DPEP1: variants seen among roughly 807,000 people sequenced by gnomAD.
The protein encoded by DPEP1 is beta-lactamase.
A neutral mutation model predicts 42.3 loss-of-function variants in DPEP1; 50 were observed. The observed-to-expected ratio is 1.18, with a 90% CI of 0.94 to 1.50. DPEP1 has a LOEUF of 1.50. Among genes scored for constraint, DPEP1 ranks in the 40% most tolerant of loss-of-function variants. The pLI, the probability that DPEP1 is intolerant of heterozygous loss-of-function variation, is 0.00. For synonymous variants in DPEP1, 297 were observed against 234.0 expected, an observed-to-expected ratio of 1.27 and a Z score of -2.46; for missense variants, 663 against 553.0, an observed-to-expected ratio of 1.20 and a Z score of -1.99.
chr16:89,632,356 G>A (rs963846782), intron 2 of DPEP1, among the ~76,000 whole-genome samples: 3 of 152,174 alleles, frequency 2.0e-5, no homozygotes, highest in African/African-American at 7.2e-5. Flanking sequence ...CCCGGCCGGG[G>A]GTCACAGTTG....
chr16:89,621,358 C>T (rs901474798), intron 1 of DPEP1, among the ~76,000 whole-genome samples: 6 of 149,346 alleles, frequency 4.0e-5, no homozygotes, highest in African/African-American at 9.9e-5. Flanking sequence ...GTGGGCTGGA[C>T]GCTGGGAGGG....
In DPEP1 at chr16:89,637,255, G is replaced by A. The variant is rs766090942; in HGVS notation, c.643G>A (p.Val215Met). 2.2e-5 allele frequency: 36 copies of A among 1,612,628 alleles called. No homozygotes were observed. Among genetic ancestry groups the A allele is most frequent in the East Asian group, 4.5e-5 (2 of 44,886 alleles). ...GGGGGTCCTCATCGACTTGGCTCAC[G>A]TGTCTGTGGCCACCATGAAGGCCAC... ...RLGVLIDLAH[V>M]SVATMKATLQ... The change falls in exon 7 of 11, where the codon GTG becomes ATG. Residue 215 changes from valine (V) to methionine (M), a missense_variant. Physicochemically the swap from Val to Met is conservative, Grantham distance 21. Coordinates refer to ENST00000690203, the MANE Select transcript of DPEP1 (RefSeq NM_001389466.1).
At chr16:89,622,392 A>G (rs1010932708) in intron 1 of DPEP1, among the ~76,000 whole-genome samples, 1 of 151,856 alleles carries the variant, frequency 6.6e-6, no homozygotes, top group African/African-American at 2.4e-5. Context: ...TCCCACCGCA[A>G]CTCTGCCGGC....
intron 1 of DPEP1, among the ~76,000 whole-genome samples, chr16:89,626,220 C>G (rs1366671437): frequency 1.3e-5 from 2 of 152,202 alleles, no homozygotes; most frequent in Non-Finnish European, 2.9e-5. Flanking sequence ...CAAATCTCAT[C>G]TCAGATTATA....
chr16:89,614,603 G>A, intron 1 of DPEP1, among the ~76,000 whole-genome samples: 1 of 152,102 alleles, frequency 6.6e-6, no homozygotes, highest in East Asian at 1.9e-4. Context: ...GACCATCCTG[G>A]CTAACACGGT....
chr16:89,632,029 G>C (rs1597762419), intron 2 of DPEP1, among the ~76,000 whole-genome samples: 1 of 152,108 alleles, frequency 6.6e-6, no homozygotes, highest in Non-Finnish European at 1.5e-5. Flanking sequence ...GCAGGTGACT[G>C]TCAGGGTCAG....
At chr16:89,637,592 G>A in intron 8 of DPEP1, 40 bp downstream of exon 8, 1 of 1,612,816 alleles carries the variant, frequency 6.2e-7, no homozygotes. Context: ...CGAAGGGGGA[G>A]GGCCTCACTC....
intron 1 of DPEP1, among the ~76,000 whole-genome samples, chr16:89,615,232 G>A (rs28592184): frequency 0.053 from 8,119 of 152,294 alleles, 850 homozygotes; most frequent in East Asian, 0.48. Flanking sequence ...TCAGGGGGAC[G>A]TAGGCTGCGG....
chr16:89,621,585 C>T (rs2059446955), intron 1 of DPEP1, among the ~76,000 whole-genome samples: 2 of 152,176 alleles, frequency 1.3e-5, no homozygotes, highest in Admixed American at 1.3e-4. Flanking sequence ...CTTCTCAAGG[C>T]TTATTTGGGG....
chr16:89,621,465 G>A (rs891048170), intron 1 of DPEP1, among the ~76,000 whole-genome samples: 1 of 152,194 alleles, frequency 6.6e-6, no homozygotes, highest in African/African-American at 2.4e-5. Context: ...GCCTGGTCAG[G>A]AGCCAGAAGA....
chr16:89,637,470 A>T lies in DPEP1; in HGVS notation c.771A>T (p.Lys257Asn). ...ACCCTGTCTTCCTTCTTGTGCAGAA[A>T]CAGACAGACAGCCTGGTGATGGTGA... Reference protein sequence around the residue: ...NVPDDVLRLVKQTDSLVMVNF... With the variant: ...NVPDDVLRLVNQTDSLVMVNF... Residue 257 changes from lysine to asparagine, a missense_variant and splice_region_variant, in exon 8 of 11, where the codon AAA becomes AAT. Lys to Asn is a moderately conservative substitution (Grantham distance 94). Transcript: ENST00000690203. The T allele has an allele frequency of 1.9e-6, 3 of 1,612,596 alleles. No homozygotes were observed. In the East Asian group the frequency reaches 6.7e-5, roughly 36 times the overall value.
chr16:89,640,640 C>T (rs768330373), downstream of DPEP1: 16 of 985,228 alleles, frequency 1.6e-5, no homozygotes, highest in Non-Finnish European at 1.9e-5. Context: ...ATCATCCTGT[C>T]TGTTCCCCTC....
intron 2 of DPEP1, among the ~76,000 whole-genome samples, chr16:89,633,574 T>C (rs954969616): frequency 2.7e-4 from 41 of 151,598 alleles, no homozygotes; most frequent in African/African-American, 9.9e-4. Context: ...CTGGAAATGA[T>C]TAACAGTTAC....
At chr16:89,625,454 G>A (rs895895314) in intron 1 of DPEP1, among the ~76,000 whole-genome samples, 32 of 152,076 alleles carry the variant, frequency 2.1e-4, no homozygotes, top group African/African-American at 6.8e-4. Flanking sequence ...CTCCCAACTG[G>A]GATCCAGTTT....
At chr16:89,626,402 G>A (rs966592887) in intron 1 of DPEP1, 2 of 152,234 alleles carry the variant, frequency 1.3e-5, no homozygotes, top group Non-Finnish European at 2.9e-5. Flanking sequence ...GCTGGCTGGA[G>A]TGCAGTGGCA....
chr16:89,623,004 G>A, intron 1 of DPEP1, among the ~76,000 whole-genome samples: 1 of 152,124 alleles, frequency 6.6e-6, no homozygotes, highest in East Asian at 1.9e-4. Context: ...GAGTGAGGAA[G>A]ACGCTGAGGT....
rs2059702852 is a variant in DPEP1 at position 89,637,757 on chromosome 16, C to CT, written c.929+51dup. 4 of 1,612,584 alleles carry CT rather than the reference C, an allele frequency of 2.5e-6. No individual in the cohort carries two copies. The African/African-American group carries it at 5.4e-5, about 22-fold the overall frequency. On this transcript the variant is annotated intron_variant, in intron 9 of 10. Transcript: ENST00000690203. ...GTGGATGAGCCGGGAGGTTCATGGCCTCGTCAGAGGGATGAGGTGGCTGGA... is the reference window on the plus strand; with the variant it reads ...GTGGATGAGCCGGGAGGTTCATGGCCTTCGTCAGAGGGATGAGGTGGCTGGA...
rs1341032596 is a variant in DPEP1, at chr16:89,637,902, C to T, written c.996C>T (p.Asn332=). Residue 332 remains asparagine, a synonymous_variant, in exon 10 of 11, where the codon AAC becomes AAT. Transcript: ENST00000690203. ...PDLIAELLRR[N]WTEAEVKGAL... ...TGATCGCTGAGCTGCTCAGGAGGAA[C>T]TGGACGGAGGCGGAGGTCAAGGGCG... 6.2e-7 allele frequency: 1 copy of T among 1,612,518 alleles called. No individual in the cohort carries two copies. The highest frequency in any genetic ancestry group is 1.3e-5 in the African/African-American group (1 of 75,024).
intron 1 of DPEP1, among the ~76,000 whole-genome samples, chr16:89,625,510 A>G (rs2059499625): frequency 6.6e-6 from 1 of 152,144 alleles, no homozygotes; most frequent in Non-Finnish European, 1.5e-5. Flanking sequence ...AGGACTATAA[A>G]CCAAACAAAG....
Sources: gnomAD v4.1 joint callset for allele counts (sites outside exome capture counted in the v4.1 genomes callset) on GRCh38, gnomAD v4.1.1 for gene constraint, MANE v1.5 for transcripts, NCBI Gene and HGNC (gene_info 2026-07-23, HGNC 2026-07-21) for gene names.